TOX2: variants seen among roughly 807,000 people sequenced by gnomAD.
TOX2 encodes TOX high mobility group box family member 2.
TOX2 carries 15 observed loss-of-function variants against 47.4 expected under a neutral mutation model. The ratio of observed to expected loss-of-function variants is 0.32; its 90% CI spans 0.21 to 0.49. The LOEUF (loss-of-function observed/expected upper bound fraction) is 0.49, where lower values mean the gene tolerates loss of function less well. Ranked by LOEUF, TOX2 falls within the 20% of genes least tolerant of loss-of-function variation. The probability of loss-of-function intolerance (pLI) is 0.99; values close to 1 mark genes in which losing one functional copy is unlikely to be tolerated. For missense variants in TOX2, 622 were observed against 673.1 expected, an observed-to-expected ratio of 0.92 and a Z score of 0.84; for synonymous variants, 290 against 296.6, an observed-to-expected ratio of 0.98 and a Z score of 0.23.
In TOX2 at chr20:44,054,426, C is replaced by G. The variant is rs768739987; in HGVS notation, c.779C>G (p.Thr260Ser). 1 of 1,613,232 alleles carries G rather than the reference C, an allele frequency of 6.2e-7. No individual in the cohort carries two copies. The highest frequency in any genetic ancestry group is 8.5e-7 in the Non-Finnish European group (1 of 1,179,602). The change falls in exon 5 of 9, where the codon ACT becomes AGT. Residue 260 changes from threonine to serine, a missense_variant. By Grantham distance (58) the Thr-to-Ser change is moderately conservative (BLOSUM62 1). This residue lies in a region of TOX2 where 21 missense variants were observed against 45.8 expected (regional missense o/e 0.46). Transcript: ENST00000341197. ...VSAYALFFRD[T>S]QAAIKGQNPS... ...GCCTACGCACTCTTCTTCAGAGACA[C>G]TCAGGCCGCCATCAAGGGTCAGAAC...
chr20:44,032,388 C>G (rs1327689480), intron 3 of TOX2, among the ~76,000 whole-genome samples: 1 of 152,192 alleles, frequency 6.6e-6, no homozygotes, highest in Admixed American at 6.5e-5. Context: ...GCGGTTGTAA[C>G]AACAAAAATG....
intron 1 of TOX2, among the ~76,000 whole-genome samples, chr20:43,953,054 G>T (rs911530983): frequency 5.3e-5 from 8 of 151,952 alleles, no homozygotes; most frequent in African/African-American, 1.9e-4. Flanking sequence ...CTGGGGTGAC[G>T]GCTATGAAGA....
intron 3 of TOX2, among the ~76,000 whole-genome samples, chr20:44,036,660 G>GT (rs569765614): frequency 1.4e-3 from 219 of 152,336 alleles, no homozygotes; most frequent in African/African-American, 4.9e-3. Flanking sequence ...TGTAAATAAG[G>GT]TTTTATTGGA....
intron 2 of TOX2, among the ~76,000 whole-genome samples, chr20:43,977,785 G>C (rs143369940): frequency 4.6e-5 from 7 of 152,174 alleles, no homozygotes; most frequent in Admixed American, 2.0e-4. Flanking sequence ...CAGCTCCAGG[G>C]GGGTAGAGGA....
chr20:44,055,601 A>G (rs561846460), intron 5 of TOX2, among the ~76,000 whole-genome samples: 64 of 152,270 alleles, frequency 4.2e-4, no homozygotes, highest in African/African-American at 1.3e-3. Flanking sequence ...CCCTGTTCTA[A>G]GAGGAGAGAA....
intron 1 of TOX2, among the ~76,000 whole-genome samples, chr20:43,949,430 C>T (rs1412294607): frequency 6.6e-6 from 1 of 152,342 alleles, no homozygotes; most frequent in Admixed American, 6.5e-5. Context: ...CACATCCCTC[C>T]CTGCTTAAAG....
At chr20:44,062,001 A>G (rs1358787772) in intron 5 of TOX2, among the ~76,000 whole-genome samples, 1 of 147,004 alleles carries the variant, frequency 6.8e-6, no homozygotes, top group Non-Finnish European at 1.5e-5. Context: ...CATCTATGAT[A>G]AATCCAGAGC....
chr20:44,038,538 C>T (rs1348318616), intron 3 of TOX2, among the ~76,000 whole-genome samples: 1 of 151,564 alleles, frequency 6.6e-6, no homozygotes, highest in African/African-American at 2.4e-5. Flanking sequence ...ATGTATACAA[C>T]TATGACTTGT....
chr20:44,056,072 G>A (rs913509111), intron 5 of TOX2, among the ~76,000 whole-genome samples: 2 of 152,144 alleles, frequency 1.3e-5, no homozygotes, highest in Non-Finnish European at 2.9e-5. Flanking sequence ...GCACAATCCC[G>A]CTGGGAACTC....
At chr20:44,038,970 C>G (rs889075257) in intron 3 of TOX2, 7 of 1,186,470 alleles carry the variant, frequency 5.9e-6, no homozygotes, top group Non-Finnish European at 7.4e-6. Context: ...CTTCCTGGGG[C>G]GGGTGCAGAT....
At chr20:43,964,093 G>GT (rs1191830212) in intron 1 of TOX2, among the ~76,000 whole-genome samples, 1 of 150,398 alleles carries the variant, frequency 6.6e-6, no homozygotes, top group Admixed American at 6.6e-5. Flanking sequence ...CAGTAATGTA[G>GT]TTTAAAAAAA....
chr20:43,952,152 T>C (rs993734014), intron 1 of TOX2, among the ~76,000 whole-genome samples: 52 of 152,190 alleles, frequency 3.4e-4, no homozygotes, highest in African/African-American at 1.1e-3. Context: ...CTGCCCGCCT[T>C]GGCCTCCCAA....
At chr20:43,944,498 A>C (rs943928414) in intron 1 of TOX2, among the ~76,000 whole-genome samples, 8 of 148,480 alleles carry the variant, frequency 5.4e-5, no homozygotes, top group African/African-American at 2.1e-4. Context: ...AAAGGTACAG[A>C]GGCAGGGAAG....
chr20:43,957,369 TATAAGCGTGA>T (rs1247033520), intron 1 of TOX2, among the ~76,000 whole-genome samples: 3 of 152,360 alleles, frequency 2.0e-5, no homozygotes, highest in African/African-American at 2.4e-5. Flanking sequence ...TAGTAGCTGT[TATAAGCGTGA>T]GCTTTAGCAG....
chr20:43,984,667 A>G (rs575721070), intron 2 of TOX2, among the ~76,000 whole-genome samples: 1 of 152,320 alleles, frequency 6.6e-6, no homozygotes, highest in African/African-American at 2.4e-5. Context: ...GTCTGCATTT[A>G]TGGTGCCTCC....
chr20:43,932,652 T>C (rs943283430), intron 1 of TOX2, among the ~76,000 whole-genome samples: 3 of 152,180 alleles, frequency 2.0e-5, no homozygotes, highest in African/African-American at 7.2e-5. Flanking sequence ...AGGACTTGGT[T>C]ATTGCATTTA....
chr20:43,973,299 C>T (rs1404564374), intron 1 of TOX2, 68 bp from the exon 2 acceptor site: 3 of 1,509,624 alleles, frequency 2.0e-6, no homozygotes, highest in East Asian at 4.5e-5. Context: ...CCTCCTCCGG[C>T]TGCTTCTCCT....
intron 1 of TOX2, among the ~76,000 whole-genome samples, chr20:43,932,114 G>A (rs1194975238): frequency 2.6e-5 from 4 of 152,132 alleles, no homozygotes; most frequent in Non-Finnish European, 5.9e-5. Context: ...GAAGACTCAG[G>A]AAGTAAAATT....
At chr20:44,010,923 G>A (rs1479470228) in intron 3 of TOX2, among the ~76,000 whole-genome samples, 1 of 152,140 alleles carries the variant, frequency 6.6e-6, no homozygotes. Context: ...AAATCACGGT[G>A]TCAGGAGGAA....
Sources: gnomAD v4.1 joint callset for allele counts (sites outside exome capture counted in the v4.1 genomes callset) on GRCh38, gnomAD v4.1.1 for gene constraint, gnomAD v4.1.1 regional missense constraint, MANE v1.5 for transcripts, NCBI Gene and HGNC (gene_info 2026-07-23, HGNC 2026-07-21) for gene names.